Variants in FAM217A observed in about 807,000 individuals in gnomAD.
The protein encoded by FAM217A is protein FAM217A.
A neutral mutation model predicts 18.5 loss-of-function variants in FAM217A; 13 were observed. That is an observed-to-expected ratio of 0.70 (90% CI 0.46 to 1.12). The LOEUF (loss-of-function observed/expected upper bound fraction) is 1.12, where lower values mean the gene tolerates loss of function less well. Ranked by LOEUF, FAM217A falls within the 50% of genes most tolerant of loss-of-function variation. The probability of loss-of-function intolerance (pLI) is 0.00; values close to 1 mark genes in which losing one functional copy is unlikely to be tolerated. For synonymous variants in FAM217A, 161 were observed against 202.8 expected, an observed-to-expected ratio of 0.79 and a Z score of 1.75; for missense variants, 560 against 575.4, an observed-to-expected ratio of 0.97 and a Z score of 0.27.
rs892892695 is a variant in FAM217A at position 4,069,957 on chromosome 6, A to G, written c.303-37T>C. 7.2e-6 allele frequency: 10 copies of G among 1,388,266 alleles called. No homozygotes were observed. The East Asian group carries it at 2.5e-4, about 34-fold the overall frequency. 86.0% of individuals were successfully genotyped at this position (1,388,266 alleles called of 1,614,324 possible). A position where few individuals can be genotyped will look rare whatever the true frequency, so the allele number is the denominator to read the frequency against. ...AATTTAATTAATGAATGGTTTATTG[A>G]CTAGAATTAAAATGCTATTAAAATG... On this transcript the variant is annotated intron_variant, in intron 6 of 6. Coordinates refer to ENST00000274673, the MANE Select transcript of FAM217A (RefSeq NM_173563.3).
intron 4 of FAM217A, among the ~76,000 whole-genome samples, chr6:4,074,204 A>T (rs369113116): frequency 3.9e-5 from 6 of 152,200 alleles, no homozygotes; most frequent in East Asian, 3.8e-4. Context: ...CAATGACTAA[A>T]AAATACTATA....
chr6:4,086,830 G>A (rs1304586923), intron 1 of FAM217A, among the ~76,000 whole-genome samples: 3 of 152,104 alleles, frequency 2.0e-5, no homozygotes, highest in Admixed American at 2.0e-4. Context: ...GTCTTGCTCT[G>A]GACTGTGCTA....
intron 2 of FAM217A, among the ~76,000 whole-genome samples, chr6:4,084,404 TTCTC>T (rs751701325): frequency 4.6e-5 from 7 of 152,218 alleles, no homozygotes; most frequent in Non-Finnish European, 5.9e-5. Flanking sequence ...TTTGAATACA[TTCTC>T]AATCATATAT....
In FAM217A at chr6:4,069,879, A is replaced by G. The variant is rs761610874; in HGVS notation, c.344T>C (p.Ile115Thr). Residue 115 changes from isoleucine (I) to threonine (T), a missense_variant, in exon 7 of 7, where the codon ATC (isoleucine) becomes ACC (threonine). Ile to Thr is a moderately conservative substitution (Grantham distance 89). Transcript: ENST00000274673. ...KSSVETGFNV[I>T]NHPIRVFTLN... is the part of the protein sequence containing the mutation. ...AGTGAAGACCCTTATAGGATGATTG[A>G]TTACATTAAAGCCAGTTTCCACTGA... 3 of 1,600,132 alleles carry G rather than the reference A, an allele frequency of 1.9e-6. No homozygotes were observed. The highest frequency in any genetic ancestry group is 2.6e-6 in the Non-Finnish European group (3 of 1,174,266).
upstream of FAM217A, among the ~76,000 whole-genome samples, chr6:4,081,873 TTG>T (rs1227048464): frequency 6.6e-6 from 1 of 152,240 alleles, no homozygotes; most frequent in Non-Finnish European, 1.5e-5. Context: ...CTTCCTTGCT[TTG>T]TGTTTCTGTT....
chr6:4,077,494 T>C (rs755734531), intron 1 of FAM217A, 46 bp from the exon 2 acceptor site: 2 of 1,442,420 alleles, frequency 1.4e-6, no homozygotes, highest in South Asian at 2.3e-5. Flanking sequence ...AGGGTCAACA[T>C]TTATAAAAAA....
upstream of FAM217A, among the ~76,000 whole-genome samples, chr6:4,081,234 T>G (rs1382715483): frequency 2.6e-5 from 4 of 152,254 alleles, no homozygotes; most frequent in Admixed American, 2.6e-4. Context: ...GATTAACCAA[T>G]GTATATGCCT....
Position 4,068,733 on chromosome 6 carries a change from G to A in FAM217A, c.1490C>T (p.Ala497Val). 1 of 1,611,964 alleles carries A rather than the reference G, an allele frequency of 6.2e-7. No homozygotes were observed. Among genetic ancestry groups the A allele is most frequent in the Admixed American group, 1.7e-5 (1 of 59,634 alleles). The change falls in exon 7 of 7, where the codon GCT becomes GTT. Residue 497 changes from alanine to valine, a missense_variant. By Grantham distance (64) the Ala-to-Val change is moderately conservative (BLOSUM62 0). Transcript: ENST00000274673. ...KLNCLSPSLIAKDKCCSPIEQ... is the reference protein window; with the variant it reads ...KLNCLSPSLIVKDKCCSPIEQ... ...AATGGGTGAGCAGCACTTATCCTTA[G>A]CAATAAGGGAAGGCGACAAACAGTT...
chr6:4,079,167 C>G, upstream of FAM217A: 3 of 324,678 alleles, frequency 9.2e-6, no homozygotes, highest in Admixed American at 1.5e-4. Context: ...TACCAGAGAG[C>G]GGGGGCGCCC....
In FAM217A at chr6:4,069,729, A is replaced by G. The variant is rs1416516573; in HGVS notation, c.494T>C (p.Ile165Thr). Residue 165 changes from isoleucine to threonine, a missense_variant, in exon 7 of 7, where the codon ATT (isoleucine) becomes ACT (threonine). Physicochemically the swap from Ile to Thr is moderately conservative, Grantham distance 89 (BLOSUM62 -1). Coordinates refer to ENST00000274673, the MANE Select transcript of FAM217A (RefSeq NM_173563.3). The stretch of plus-strand genomic sequence containing the variant: ...TATAGTTGAACATGAACTAACATGA[A>G]TCTCATTTCTGTTCTTAAAAAAGTC... ...DGDFFKNRNE[I>T]HVSSCSTIEN... is the part of the protein sequence containing the mutation. 1.2e-6 allele frequency: 2 copies of G among 1,614,098 alleles called. No individual in the cohort carries two copies. Among genetic ancestry groups the G allele is most frequent in the Admixed American group, 1.7e-5 (1 of 60,020 alleles).
upstream of FAM217A, among the ~76,000 whole-genome samples, chr6:4,084,011 T>G (rs1045540683): frequency 3.3e-5 from 5 of 152,232 alleles, no homozygotes; most frequent in Non-Finnish European, 7.3e-5. Flanking sequence ...TAGCATATGG[T>G]TTAGCGATCT....
In FAM217A at chr6:4,074,660, T is replaced by C. The variant is rs775634366; in HGVS notation, c.62A>G (p.Asn21Ser). Residue 21 changes from asparagine to serine, a missense_variant and splice_region_variant, in exon 3 of 7, where the codon AAC (asparagine) becomes AGC (serine). By Grantham distance (46) the Asn-to-Ser change is conservative (BLOSUM62 1). Transcript: ENST00000274673. ...TGAATCCAAATTCCAGTGAGATAAG[T>C]TCTAAAACAATATTTGTTTTAGGAT... ...SLRVSNISQENLSHWNLDSEV... is the reference protein window; with the variant it reads ...SLRVSNISQESLSHWNLDSEV... 6.3e-7 allele frequency: 1 copy of C among 1,596,858 alleles called. No homozygotes were observed. The highest frequency in any genetic ancestry group is 8.6e-7 in the Non-Finnish European group (1 of 1,165,832).
intron 2 of FAM217A, among the ~76,000 whole-genome samples, chr6:4,077,075 GTGAGCACTGCCTGGT>G (rs1199987288): frequency 1.3e-5 from 2 of 152,296 alleles, no homozygotes; most frequent in South Asian, 4.1e-4. Context: ...AACAAAAGAA[GTGAGCACTGCCTGGT>G]TGATAACAAG....
At chr6:4,070,039 T>C in intron 6 of FAM217A, 119 bp from the exon 7 acceptor site, 3 of 696,066 alleles carry the variant, frequency 4.3e-6, no homozygotes, top group Non-Finnish European at 6.8e-6. Context: ...CAATGGCATA[T>C]GTGTATCTAG....
At position 4,069,210 on chromosome 6, in the gene FAM217A, G is replaced by C; in HGVS notation, c.1013C>G (p.Ser338Cys). Residue 338 changes from serine (S) to cysteine (C), a missense_variant, in exon 7 of 7, where the codon TCT becomes TGT. Ser to Cys is a moderately radical substitution (Grantham distance 112). Transcript: ENST00000274673. ...TACACAAGGTATCTGAAGACTCAAA[G>C]AGTCGCAAAGTTTTGGCTGTCTCAC... ...PKVRQPKLCD[S>C]LSLQIPCVDK... 1 of 1,604,188 alleles carries C rather than the reference G, an allele frequency of 6.2e-7. No individual in the cohort carries two copies. Among genetic ancestry groups the C allele is most frequent in the South Asian group, 1.1e-5 (1 of 90,760 alleles).
rs74983262 is a variant in FAM217A at position 4,069,794 on chromosome 6, C to T, written c.429G>A (p.Leu143=). 23,604 of 1,614,132 alleles carry T rather than the reference C, an allele frequency of 0.015. 210 individuals carry two copies. Among genetic ancestry groups the T allele is most frequent in the Non-Finnish European group, 0.016 (18,462 of 1,180,004 alleles). ...VDKQVGPYPG[L]PMPLGLCWPY... ...GCCAGCAGAGACCTAATGGCATTGGCAGTCCAGGGTAAGGACCAACTTGCT... is the reference window on the plus strand; with the variant it reads ...GCCAGCAGAGACCTAATGGCATTGGTAGTCCAGGGTAAGGACCAACTTGCT... Residue 143 remains leucine, a synonymous_variant, in exon 7 of 7, where the codon CTG becomes CTA. Coordinates refer to ENST00000274673, the MANE Select transcript of FAM217A (RefSeq NM_173563.3).
chr6:4,082,218 G>A (rs767180279), upstream of FAM217A, among the ~76,000 whole-genome samples: 4 of 152,252 alleles, frequency 2.6e-5, no homozygotes, highest in South Asian at 2.1e-4. Flanking sequence ...CTGGCCCAGC[G>A]TAGGAGGTTG....
In FAM217A at chr6:4,068,859, T is replaced by C. The variant is rs183033133; in HGVS notation, c.1364A>G (p.Gln455Arg). ...CTTCGGTGCCTTAATTTCTTCCTTC[T>C]GATTTTCGGGAAAAGTCAGAGGTAT... is the stretch of plus-strand genomic sequence containing the variant. ...SPIPLTFPEN[Q>R]KEEIKAPKRN... The change falls in exon 7 of 7, where the codon CAG (glutamine) becomes CGG (arginine). Residue 455 changes from glutamine (Q) to arginine (R), a missense_variant. Transcript: ENST00000274673. The C allele has an allele frequency of 1.2e-6, 2 of 1,614,192 alleles. No homozygotes were observed. Among genetic ancestry groups the C allele is most frequent in the South Asian group, 1.1e-5 (1 of 91,076 alleles).
intron 1 of FAM217A, among the ~76,000 whole-genome samples, chr6:4,078,217 C>A (rs1561927338): frequency 6.6e-6 from 1 of 152,096 alleles, no homozygotes; most frequent in East Asian, 1.9e-4. Flanking sequence ...CTACGCCCAG[C>A]TAATTTTTAT....
Sources: allele counts gnomAD v4.1 joint callset (sites outside exome capture counted in the v4.1 genomes callset), GRCh38; gene constraint gnomAD v4.1.1; transcripts MANE v1.5; gene names NCBI Gene and HGNC (gene_info 2026-07-23, HGNC 2026-07-21).